The following BFAR variants were observed in gnomAD, a reference collection of about 807,000 sequenced individuals.
BFAR encodes the protein bifunctional apoptosis regulator, also known as RING finger protein 47.
BFAR carries 52 observed loss-of-function variants against 54.4 expected under a neutral mutation model. The ratio of observed to expected loss-of-function variants is 0.96; its 90% CI spans 0.77 to 1.21. BFAR has a LOEUF of 1.21. Ranked by LOEUF, BFAR falls within the 50% of genes most tolerant of loss-of-function variation. The probability of loss-of-function intolerance (pLI) is 0.00; values close to 1 mark genes in which losing one functional copy is unlikely to be tolerated. For synonymous variants in BFAR, 215 were observed against 204.3 expected (o/e 1.05, Z -0.45); for missense variants, 571 against 534.0 (o/e 1.07, Z -0.68).
At position 14,644,160 on chromosome 16, in the gene BFAR, C is replaced by T. The variant is rs1395739361; in HGVS notation, c.-73-114C>T. 4.7e-5 allele frequency: 29 copies of T among 615,916 alleles called. No individual in the cohort carries two copies. In the East Asian group the frequency reaches 7.5e-4, roughly 16 times the overall value. 38.2% of individuals were successfully genotyped at this position (615,916 alleles called of 1,614,324 possible). A position where few individuals can be genotyped will look rare whatever the true frequency, so the allele number is the denominator to read the frequency against. ...CCTGGGCCAGAGAGCAAGACTGTGT[C>T]TCAAAAAAAAAAAAAAAAAATTAGC... On this transcript the variant is annotated intron_variant, in intron 1 of 7. Coordinates refer to ENST00000261658, the MANE Select transcript of BFAR (RefSeq NM_016561.3).
chr16:14,641,771 G>T (rs1167336761), intron 1 of BFAR, among the ~76,000 whole-genome samples: 1 of 151,510 alleles, frequency 6.6e-6, no homozygotes, highest in Non-Finnish European at 1.5e-5. Context: ...TGAGGCAGGA[G>T]AATCGCTTGA....
intron 1 of BFAR, among the ~76,000 whole-genome samples, chr16:14,637,554 G>A (rs540659132): frequency 2.0e-5 from 3 of 152,092 alleles, no homozygotes; most frequent in South Asian, 2.1e-4. Context: ...AATAATTGTC[G>A]CGGGGTGCAA....
intron 1 of BFAR, among the ~76,000 whole-genome samples, chr16:14,641,258 T>A (rs190557532): frequency 1.3e-5 from 2 of 152,290 alleles, no homozygotes; most frequent in East Asian, 3.9e-4. Context: ...CCCTACCCCC[T>A]TGTCTTTGGA....
At chr16:14,637,308 T>G (rs1233902568) in intron 1 of BFAR, among the ~76,000 whole-genome samples, 1 of 152,202 alleles carries the variant, frequency 6.6e-6, no homozygotes, top group Admixed American at 6.5e-5. Context: ...CGTTATTGAT[T>G]ACTTTATCAG....
At position 14,649,872 on chromosome 16, in the gene BFAR, G is replaced by A. The variant is rs931491798; in HGVS notation, c.537G>A (p.Val179=). 2 of 1,613,438 alleles carry A rather than the reference G, an allele frequency of 1.2e-6. No homozygotes were observed. The highest frequency in any genetic ancestry group is 1.7e-6 in the Non-Finnish European group (2 of 1,179,654). ...SEHDLLVHKA[V]AKWTAEEVVL... Reference sequence around the variant, plus strand: ...ACGACCTCCTGGTCCACAAGGCTGTGGCCAAATGGACGGCGGAAGAAGTTG... The same window carrying A: ...ACGACCTCCTGGTCCACAAGGCTGTAGCCAAATGGACGGCGGAAGAAGTTG... Residue 179 remains valine, a synonymous_variant, in exon 4 of 8, where the codon GTG becomes GTA. Transcript: ENST00000261658.
chr16:14,655,536 C>T (rs963021095), intron 5 of BFAR, among the ~76,000 whole-genome samples: 2 of 150,324 alleles, frequency 1.3e-5, no homozygotes, highest in Admixed American at 6.7e-5. Flanking sequence ...CAGGTTCAAG[C>T]GATTCTCCTA....
intron 4 of BFAR, among the ~76,000 whole-genome samples, chr16:14,653,506 A>G (rs1960033934): frequency 6.6e-6 from 1 of 151,840 alleles, no homozygotes; most frequent in South Asian, 2.1e-4. Context: ...TTGTATTTTT[A>G]GTAGAGACGA....
rs767997049 is a variant in BFAR, at chr16:14,665,005, A to G, written c.1094A>G (p.Asn365Ser). The G allele has an allele frequency of 7.4e-6, 12 of 1,613,928 alleles. No homozygotes were observed. The African/African-American group carries it at 1.2e-4, about 16-fold the overall frequency. The change falls in exon 7 of 8, where the codon AAT (asparagine) becomes AGT (serine). Residue 365 changes from asparagine to serine, a missense_variant. Coordinates refer to ENST00000261658, the MANE Select transcript of BFAR (RefSeq NM_016561.3). Reference sequence around the variant, plus strand: ...TGGACATCACGGTTTCTCATCATCAATGCTATGTTACTCTCAGTTCTGGAA... The same window carrying G: ...TGGACATCACGGTTTCTCATCATCAGTGCTATGTTACTCTCAGTTCTGGAA... ...HYWTSRFLII[N>S]AMLLSVLELF...
intron 5 of BFAR, among the ~76,000 whole-genome samples, chr16:14,658,314 A>G (rs952232451): frequency 1.3e-5 from 2 of 151,990 alleles, no homozygotes; most frequent in Non-Finnish European, 2.9e-5. Flanking sequence ...CCCTAATCTT[A>G]TTATGCAAAG....
intron 1 of BFAR, among the ~76,000 whole-genome samples, chr16:14,640,133 CAG>C (rs1478766138): frequency 6.9e-6 from 1 of 145,464 alleles, no homozygotes. Context: ...GCCTGGGCAA[CAG>C]AGTGAGACCT....
chr16:14,650,623 GCATAATCTTTTT>G (rs1312636317), intron 4 of BFAR: 1 of 152,096 alleles, frequency 6.6e-6, no homozygotes, highest in Non-Finnish European at 1.5e-5. Context: ...TTTTCACTTA[GCATAATCTTTTT>G]CAAGGTTTAC....
chr16:14,665,176 C>T, intron 7 of BFAR, 105 bp downstream of exon 7: 1 of 1,155,332 alleles, frequency 8.7e-7, no homozygotes. Context: ...CCTCCATCCA[C>T]CCAGACCCTT....
intron 1 of BFAR, among the ~76,000 whole-genome samples, chr16:14,637,955 A>C (rs1959505289): frequency 1.3e-5 from 2 of 151,850 alleles, no homozygotes; most frequent in Non-Finnish European, 1.5e-5. Flanking sequence ...CCCTGGAAAA[A>C]TAAGGTGATA....
chr16:14,651,453 C>A (rs1015487823), intron 4 of BFAR, among the ~76,000 whole-genome samples: 2 of 152,192 alleles, frequency 1.3e-5, no homozygotes, highest in Admixed American at 6.6e-5. Flanking sequence ...TCCAGAAGCT[C>A]ACTGAATCCT....
intron 2 of BFAR, among the ~76,000 whole-genome samples, chr16:14,646,568 G>A (rs530847104): frequency 2.0e-5 from 3 of 150,520 alleles, no homozygotes; most frequent in South Asian, 2.1e-4. Flanking sequence ...GCAAAATCTC[G>A]GCTCACTGCA....
chr16:14,668,468 A>G lies in BFAR; in HGVS notation c.*641A>G, dbSNP rs1219820873. 6.6e-6 allele frequency: 1 copy of G among 152,502 alleles called. No homozygotes were observed. 9.4% of individuals were successfully genotyped at this position (152,502 alleles called of 1,614,324 possible). On this transcript the variant is annotated 3_prime_UTR_variant, in exon 8 of 8. Transcript: ENST00000261658. ...TGGGCTTTTGTTTTGCTTTATGGAAATCATTGAAGGTCTGGATCCCTTTCT... is the reference window on the plus strand; with the variant it reads ...TGGGCTTTTGTTTTGCTTTATGGAAGTCATTGAAGGTCTGGATCCCTTTCT...
Position 14,655,115 on chromosome 16 carries a change from A to G in BFAR, c.688A>G (p.Ile230Val), listed in dbSNP as rs373405835. ...EEEFSKTPYTIENSSHRRAIL... is the reference protein window; with the variant it reads ...EEEFSKTPYTVENSSHRRAIL... ...AGAATTTTCCAAGACGCCCTATACC[A>G]TAGAAAACAGCAGCCACAGGAGAGC... Residue 230 changes from isoleucine (I) to valine (V), a missense_variant, in exon 5 of 8, where the codon ATA (isoleucine) becomes GTA (valine). Physicochemically the swap from Ile to Val is conservative, Grantham distance 29. Coordinates refer to ENST00000261658, the MANE Select transcript of BFAR (RefSeq NM_016561.3). 7 of 1,612,504 alleles carry G rather than the reference A, an allele frequency of 4.3e-6. No homozygotes were observed. The highest frequency in any genetic ancestry group is 3.4e-5 in the Admixed American group (2 of 59,636).
chr16:14,644,103 C>T (rs2151836974), intron 1 of BFAR, among the ~76,000 whole-genome samples, 171 bp from the exon 2 acceptor site: 1 of 148,452 alleles, frequency 6.7e-6, no homozygotes, highest in East Asian at 2.0e-4. Flanking sequence ...GTGGAGGTTG[C>T]AGTGAGCTGA....
intron 1 of BFAR, among the ~76,000 whole-genome samples, chr16:14,643,374 G>A (rs2151836677): frequency 6.6e-6 from 1 of 152,158 alleles, no homozygotes; most frequent in South Asian, 2.1e-4. Context: ...TTCTAAGGAA[G>A]TTAGTGAAGG....
Sources: allele counts gnomAD v4.1 joint callset (sites outside exome capture counted in the v4.1 genomes callset), GRCh38; gene constraint gnomAD v4.1.1; transcripts MANE v1.5; gene names NCBI Gene and HGNC (gene_info 2026-07-23, HGNC 2026-07-21).